The following KCNU1 variants were observed in gnomAD, a reference collection of about 807,000 sequenced individuals.
KCNU1 encodes potassium channel subfamily U member 1.
KCNU1 carries 93 observed loss-of-function variants against 126.8 expected under a neutral mutation model. The observed-to-expected ratio is 0.73, with a 90% CI of 0.62 to 0.87. The LOEUF (loss-of-function observed/expected upper bound fraction) is 0.87, where lower values mean the gene tolerates loss of function less well. Ranked by LOEUF, KCNU1 falls within the 40% of genes least tolerant of loss-of-function variation. The pLI, the probability that KCNU1 is intolerant of heterozygous loss-of-function variation, is 0.00. For synonymous variants in KCNU1, 523 were observed against 494.2 expected (o/e 1.06, Z -0.77); for missense variants, 1,330 against 1,367.1 (o/e 0.97, Z 0.43).
chr8:36,858,295 A>AT (rs1554508996), intron 18 of KCNU1, among the ~76,000 whole-genome samples: 4 of 150,256 alleles, frequency 2.7e-5, no homozygotes, highest in Admixed American at 6.6e-5. Flanking sequence ...TCTGAAGATT[A>AT]TTTTTTTTTA....
At chr8:36,849,791 G>T (rs116079119) in intron 18 of KCNU1, among the ~76,000 whole-genome samples, 1 of 152,040 alleles carries the variant, frequency 6.6e-6, no homozygotes, top group Admixed American at 6.6e-5. Context: ...GCACATTGGG[G>T]CACAAATATC....
chr8:36,823,164 A>G (rs1804191459), intron 10 of KCNU1, among the ~76,000 whole-genome samples: 1 of 152,166 alleles, frequency 6.6e-6, no homozygotes. Context: ...AAAGTATTAG[A>G]TTGGTGCAAA....
rs1804907689 is a variant in KCNU1, at chr8:36,840,486, G to T, written c.1542G>T (p.Lys514Asn). Residue 514 changes from lysine (K) to asparagine (N), a missense_variant, in exon 15 of 27, where the codon AAG becomes AAT. Around this residue, in one of 3 missense-constraint regions of KCNU1, gnomAD observed 1,054 missense variants for 1,053.9 expected, o/e 1.00. Coordinates refer to ENST00000399881, the MANE Select transcript of KCNU1 (RefSeq NM_001031836.3). ...AGGTTATGCCTAAACAGACCTGGAAGAAACACTTCTTGAATAGCATGAAAA... is the reference window on the plus strand; with the variant it reads ...AGGTTATGCCTAAACAGACCTGGAATAAACACTTCTTGAATAGCATGAAAA... ...NKKVMPKQTW[K>N]KHFLNSMKNK... 13 of 1,604,934 alleles carry T rather than the reference G, an allele frequency of 8.1e-6. No individual in the cohort carries two copies. Among genetic ancestry groups the T allele is most frequent in the Non-Finnish European group, 1.1e-5 (13 of 1,172,424 alleles).
intron 19 of KCNU1, among the ~76,000 whole-genome samples, chr8:36,895,498 T>C (rs1212309873): frequency 7.9e-5 from 12 of 152,110 alleles, no homozygotes; most frequent in Non-Finnish European, 1.8e-4. Context: ...CACTGCAGGT[T>C]TCATCATCTC....
chr8:36,919,401 C>T (rs1034684141), intron 23 of KCNU1, among the ~76,000 whole-genome samples: 1 of 145,830 alleles, frequency 6.9e-6, no homozygotes, highest in African/African-American at 2.5e-5. Flanking sequence ...TTAATCCAAG[C>T]CCTGAGTGAT....
chr8:36,796,859 G>T (rs563800556), intron 2 of KCNU1, among the ~76,000 whole-genome samples: 1 of 152,202 alleles, frequency 6.6e-6, no homozygotes, highest in East Asian at 1.9e-4. Context: ...CCAGGAGAAT[G>T]TAATCATTTT....
Position 36,910,922 on chromosome 8 carries a change from C to G in KCNU1, c.2332-8C>G. ...ACCAGTGCCTCCTCTCTCTTTTCCT[C>G]TCATTAGGGATGTGCACTTTATTCT... On this transcript the variant is annotated splice_region_variant and splice_polypyrimidine_tract_variant and intron_variant, in intron 21 of 26. Transcript: ENST00000399881. The G allele has an allele frequency of 6.4e-7, 1 of 1,564,490 alleles. No individual in the cohort carries two copies. Among genetic ancestry groups the G allele is most frequent in the Non-Finnish European group, 8.7e-7 (1 of 1,144,894 alleles).
rs1175953787 is a variant in KCNU1 at position 36,845,595 on chromosome 8, T to A, written c.1719T>A (p.Asn573Lys). ...TTGTTTCCAGTGGTCTGATACTAAA[T>A]CCACCTCCACAAGTGAGGATACGTA... ...FTDGFCGLIL[N>K]PPPQVRIRKN... Residue 573 changes from asparagine to lysine, a missense_variant, in exon 17 of 27, where the codon AAT (asparagine) becomes AAA (lysine). Physicochemically the swap from Asn to Lys is moderately conservative, Grantham distance 94. Coordinates refer to ENST00000399881, the MANE Select transcript of KCNU1 (RefSeq NM_001031836.3). 6.2e-7 allele frequency: 1 copy of A among 1,606,064 alleles called. No homozygotes were observed. The highest frequency in any genetic ancestry group is 1.7e-5 in the Admixed American group (1 of 59,928).
intron 24 of KCNU1, among the ~76,000 whole-genome samples, chr8:36,930,584 T>C (rs1490370747): frequency 6.6e-6 from 1 of 152,172 alleles, no homozygotes. Flanking sequence ...TAAATATATG[T>C]ATTTTTAAAT....
chr8:36,858,290 A>C (rs546802122), intron 18 of KCNU1, among the ~76,000 whole-genome samples: 17 of 151,822 alleles, frequency 1.1e-4, no homozygotes, highest in Non-Finnish European at 2.4e-4. Context: ...CTGAATCTGA[A>C]GATTATTTTT....
At chr8:36,917,011 C>G (rs1808136899) in intron 22 of KCNU1, among the ~76,000 whole-genome samples, 1 of 152,168 alleles carries the variant, frequency 6.6e-6, no homozygotes, top group South Asian at 2.1e-4. Context: ...CCTTTTCCTT[C>G]CTGGTCTCCA....
intron 10 of KCNU1, among the ~76,000 whole-genome samples, chr8:36,821,825 T>C (rs1271138222): frequency 1.5e-5 from 2 of 135,694 alleles, no homozygotes; most frequent in Non-Finnish European, 3.1e-5. Context: ...TAATATGAGA[T>C]ACTCAACACT....
At chr8:36,881,350 G>A (rs537295636) in intron 19 of KCNU1, among the ~76,000 whole-genome samples, 227 of 152,102 alleles carry the variant, frequency 1.5e-3, no homozygotes, top group Non-Finnish European at 2.9e-3. Context: ...AGCCTCTGGG[G>A]TAACTAGTAC....
chr8:36,888,673 G>A (rs769673898), intron 19 of KCNU1: 4 of 534,456 alleles, frequency 7.5e-6, no homozygotes, highest in Admixed American at 5.8e-5. Context: ...CTGAAAGCAC[G>A]ATAATCACTA....
At chr8:36,802,431 C>T (rs1371266070) in intron 2 of KCNU1, among the ~76,000 whole-genome samples, 1 of 152,144 alleles carries the variant, frequency 6.6e-6, no homozygotes, top group African/African-American at 2.4e-5. Context: ...TGTTGGCTAG[C>T]TGCTTTGTGT....
rs1294639632 is a variant in KCNU1, at chr8:36,909,470, T to C, written c.2266T>C (p.Ser756Pro). ...KELKDIVFIG[S>P]LDYLQREWRF... Reference sequence around the variant, plus strand: ...GCTGAAGGACATAGTGTTCATTGGGTCTCTGGACTATCTACAGAGAGAATG... The same window carrying C: ...GCTGAAGGACATAGTGTTCATTGGGCCTCTGGACTATCTACAGAGAGAATG... The change falls in exon 21 of 27, where the codon TCT becomes CCT. Residue 756 changes from serine to proline, a missense_variant. Around this residue, in one of 3 missense-constraint regions of KCNU1, gnomAD observed 1,054 missense variants for 1,053.9 expected, o/e 1.00. Coordinates refer to ENST00000399881, the MANE Select transcript of KCNU1 (RefSeq NM_001031836.3). 6.2e-7 allele frequency: 1 copy of C among 1,613,432 alleles called. No homozygotes were observed. Among genetic ancestry groups the C allele is most frequent in the Non-Finnish European group, 8.5e-7 (1 of 1,179,528 alleles).
intron 18 of KCNU1, among the ~76,000 whole-genome samples, chr8:36,864,008 G>A (rs140145319): frequency 6.6e-6 from 1 of 152,194 alleles, no homozygotes; most frequent in East Asian, 1.9e-4. Flanking sequence ...TGATGTCCAG[G>A]CAGAATGAAT....
intron 10 of KCNU1, among the ~76,000 whole-genome samples, chr8:36,830,025 A>G (rs1029627427): frequency 3.3e-5 from 5 of 149,448 alleles, no homozygotes; most frequent in Non-Finnish European, 5.9e-5. Flanking sequence ...AATTATATTT[A>G]TATTATTTAT....
At chr8:36,931,399 A>C (rs563959077) in intron 25 of KCNU1, among the ~76,000 whole-genome samples, 43 of 152,252 alleles carry the variant, frequency 2.8e-4, no homozygotes, top group African/African-American at 9.4e-4. Context: ...CATCTTCTAG[A>C]TAAATAACCT....
Sources: gnomAD v4.1 joint callset for allele counts (sites outside exome capture counted in the v4.1 genomes callset) on GRCh38, gnomAD v4.1.1 for gene constraint, gnomAD v4.1.1 regional missense constraint, MANE v1.5 for transcripts, NCBI Gene and HGNC (gene_info 2026-07-23, HGNC 2026-07-21) for gene names.